Variants in MDFIC2 observed in about 807,000 individuals in gnomAD.
The protein encoded by MDFIC2 is myoD family inhibitor domain-containing protein 2.
At chr3:70,232,498 C>G (rs1369930702) in intron 2 of MDFIC2, among the ~76,000 whole-genome samples, 5 of 151,760 alleles carry the variant, frequency 3.3e-5, no homozygotes, top group African/African-American at 7.3e-5. Flanking sequence ...CTCCCGGGTT[C>G]AAGTGATTCT....
chr3:70,244,388 G>A (rs1448543686), intron 2 of MDFIC2, among the ~76,000 whole-genome samples: 1 of 152,142 alleles, frequency 6.6e-6, no homozygotes, highest in African/African-American at 2.4e-5. Flanking sequence ...AGTCTTATGG[G>A]CCTGTCAAAA....
At chr3:70,281,455 C>T (rs927738855) in intron 2 of MDFIC2, among the ~76,000 whole-genome samples, 1 of 152,294 alleles carries the variant, frequency 6.6e-6, no homozygotes, top group Non-Finnish European at 1.5e-5. Flanking sequence ...TAATCGTGAA[C>T]AGGCCACTTA....
At chr3:70,289,605 C>T (rs1368680863) in intron 2 of MDFIC2, among the ~76,000 whole-genome samples, 1 of 149,872 alleles carries the variant, frequency 6.7e-6, no homozygotes, top group Non-Finnish European at 1.5e-5. Flanking sequence ...GAACGTTGGC[C>T]TGCCTTGCTA....
At chr3:70,269,452 T>A (rs945492232) in intron 2 of MDFIC2, among the ~76,000 whole-genome samples, 4 of 152,196 alleles carry the variant, frequency 2.6e-5, no homozygotes, top group Non-Finnish European at 5.9e-5. Flanking sequence ...CATGTTCAAG[T>A]AAGGCAAATG....
chr3:70,246,363 C>T (rs1321585284), intron 2 of MDFIC2, among the ~76,000 whole-genome samples: 3 of 152,090 alleles, frequency 2.0e-5, no homozygotes, highest in African/African-American at 7.2e-5. Context: ...GCTTGAACAA[C>T]ACTGCTGTTG....
chr3:70,279,793 C>A (rs1702063551), intron 2 of MDFIC2, among the ~76,000 whole-genome samples: 1 of 152,110 alleles, frequency 6.6e-6, no homozygotes, highest in African/African-American at 2.4e-5. Context: ...TGTTCTGGGG[C>A]ATGGCTTCTC....
At chr3:70,257,809 T>C (rs1225581527) in intron 2 of MDFIC2, among the ~76,000 whole-genome samples, 1 of 152,204 alleles carries the variant, frequency 6.6e-6, no homozygotes, top group Non-Finnish European at 1.5e-5. Context: ...ATGCAATAGA[T>C]CTAGGTAAGC....
intron 2 of MDFIC2, among the ~76,000 whole-genome samples, chr3:70,230,474 T>C (rs1701547795): frequency 6.9e-6 from 1 of 145,026 alleles, no homozygotes; most frequent in Admixed American, 7.3e-5. Context: ...AAATTATTGT[T>C]ACATTAGACA....
chr3:70,246,532 C>A (rs1157311198), intron 2 of MDFIC2, among the ~76,000 whole-genome samples: 1 of 151,976 alleles, frequency 6.6e-6, no homozygotes, highest in Non-Finnish European at 1.5e-5. Flanking sequence ...ACACGAGATG[C>A]ACAATTTAAT....
At chr3:70,219,408 T>C (rs1576159590) in intron 2 of MDFIC2, among the ~76,000 whole-genome samples, 1 of 152,154 alleles carries the variant, frequency 6.6e-6, no homozygotes, top group Admixed American at 6.6e-5. Context: ...TTTTTAGAGG[T>C]GTTGATTTTT....
intron 2 of MDFIC2, among the ~76,000 whole-genome samples, chr3:70,286,408 A>G (rs1443364642): frequency 4.6e-5 from 7 of 151,790 alleles, no homozygotes; most frequent in African/African-American, 1.5e-4. Context: ...GTTCTGTTCC[A>G]TTGATCTATA....
chr3:70,298,640 G>A (rs1366574055), intron 2 of MDFIC2, among the ~76,000 whole-genome samples: 4 of 151,990 alleles, frequency 2.6e-5, no homozygotes, highest in African/African-American at 4.8e-5. Context: ...TCGTGTTTAG[G>A]GAATCCAACT....
chr3:70,260,438 G>T (rs1287403842), intron 2 of MDFIC2, among the ~76,000 whole-genome samples: 1 of 152,018 alleles, frequency 6.6e-6, no homozygotes, highest in African/African-American at 2.4e-5. Context: ...GGTAATGGGG[G>T]TTAGTACCTC....
rs1391463763 is a variant in MDFIC2, at chr3:70,270,684, C to A, written c.88+41202G>T. On this transcript the variant is annotated intron_variant, in intron 2 of 3. Coordinates refer to ENST00000567252, the MANE Select transcript of MDFIC2 (RefSeq NM_001364677.1). ...ATATTAAAATTGTATTTTTAAAATA[C>A]ACCATGGAATACTATGCAGCCATAA... Among the ~76,000 whole-genome samples, 3 of 152,064 alleles carry A rather than the reference C, an allele frequency of 2.0e-5. No homozygotes were observed. In the East Asian group the frequency reaches 5.8e-4, roughly 29 times the overall value.
intron 2 of MDFIC2, among the ~76,000 whole-genome samples, chr3:70,241,613 C>A (rs568470421): frequency 6.6e-6 from 1 of 152,116 alleles, no homozygotes; most frequent in Non-Finnish European, 1.5e-5. Flanking sequence ...TTTAATGATA[C>A]TAAGTACCTG....
chr3:70,271,833 G>A (rs1479025648), intron 2 of MDFIC2: 1 of 152,150 alleles, frequency 6.6e-6, no homozygotes, highest in Non-Finnish European at 1.5e-5. Context: ...GCGTGATCTC[G>A]GCTCACTGCA....
chr3:70,226,297 C>T (rs1701506604), intron 2 of MDFIC2, among the ~76,000 whole-genome samples: 1 of 152,156 alleles, frequency 6.6e-6, no homozygotes, highest in Non-Finnish European at 1.5e-5. Context: ...GTGTGAGAGG[C>T]ACTCAGGTCA....
chr3:70,248,871 T>C (rs1254818524), intron 2 of MDFIC2, among the ~76,000 whole-genome samples: 1 of 152,114 alleles, frequency 6.6e-6, no homozygotes, highest in African/African-American at 2.4e-5. Context: ...GGAAATCAAT[T>C]GAAAGGACTC....
At chr3:70,303,678 CTTTAT>C (rs948325940) in intron 2 of MDFIC2, among the ~76,000 whole-genome samples, 5 of 151,956 alleles carry the variant, frequency 3.3e-5, no homozygotes, top group Admixed American at 6.6e-5. Context: ...TTTGATAGTT[CTTTAT>C]TTTATTTTAT....
Sources: gnomAD v4.1 joint callset for allele counts (sites outside exome capture counted in the v4.1 genomes callset) on GRCh38, gnomAD v4.1.1 for gene constraint, MANE v1.5 for transcripts, NCBI Gene and HGNC (gene_info 2026-07-23, HGNC 2026-07-21) for gene names.